The following PARD3B variants were observed in gnomAD, a reference collection of about 807,000 sequenced individuals.
The protein encoded by PARD3B is partitioning defective 3 homolog B.
In PARD3B, 103 loss-of-function variants were observed where a neutral mutation model predicts 130.2. The observed-to-expected ratio is 0.79, with a 90% CI of 0.67 to 0.93. The LOEUF (loss-of-function observed/expected upper bound fraction) is 0.93. PARD3B is among the 40% of genes least tolerant of loss of function. The pLI, the probability that PARD3B is intolerant of heterozygous loss-of-function variation, is 0.00. For synonymous variants in PARD3B, 583 were observed against 553.2 expected (o/e 1.05, Z -0.76); for missense variants, 1,609 against 1,499.2 (o/e 1.07, Z -1.21).
At chr2:204,927,960 A>T (rs568899092) in intron 2 of PARD3B, among the ~76,000 whole-genome samples, 2 of 152,196 alleles carry the variant, frequency 1.3e-5, no homozygotes, top group South Asian at 4.1e-4. Context: ...CTACAAAAAG[A>T]TGCTGTTTAA....
chr2:205,114,813 CA>C (rs1703913561), intron 6 of PARD3B, among the ~76,000 whole-genome samples: 1 of 151,138 alleles, frequency 6.6e-6, no homozygotes, highest in South Asian at 2.1e-4. Flanking sequence ...GAATGTTCCC[CA>C]AAAGAAATGA....
intron 4 of PARD3B, among the ~76,000 whole-genome samples, chr2:205,071,903 A>G (rs1181119405): frequency 1.3e-5 from 2 of 152,106 alleles, no homozygotes; most frequent in Admixed American, 6.5e-5. Flanking sequence ...AATGCAAAAC[A>G]CTGGTCATTA....
chr2:204,627,225 G>T (rs1023330029), intron 1 of PARD3B, among the ~76,000 whole-genome samples: 1 of 152,068 alleles, frequency 6.6e-6, no homozygotes, highest in African/African-American at 2.4e-5. Flanking sequence ...AAATTACCTA[G>T]TCTTGGGTAC....
chr2:205,304,411 G>A lies in PARD3B; in HGVS notation c.2630+2710G>A, dbSNP rs191532547. Among the ~76,000 whole-genome samples the A allele has an allele frequency of 1.7e-4, 25 of 151,358 alleles. No individual in the cohort carries two copies. In the East Asian group the frequency reaches 3.5e-3, roughly 21 times the overall value. On this transcript the variant is annotated intron_variant, in intron 18 of 22. Transcript: ENST00000406610. ...AGCACTTTGGGAGGCCAAGACGGGC[G>A]GATCACCTGAGGTCAGGAGTTCGAG...
intron 2 of PARD3B, among the ~76,000 whole-genome samples, chr2:204,916,953 G>C (rs982057199): frequency 4.1e-4 from 62 of 152,212 alleles, no homozygotes; most frequent in South Asian, 2.1e-4. Flanking sequence ...TGAATGAAAT[G>C]GATAAAAATC....
intron 1 of PARD3B, among the ~76,000 whole-genome samples, chr2:204,633,593 C>T (rs2034765948): frequency 6.6e-6 from 1 of 152,132 alleles, no homozygotes; most frequent in Admixed American, 6.5e-5. Context: ...GCAGGTGGAT[C>T]ACCTGAGGTG....
intron 1 of PARD3B, among the ~76,000 whole-genome samples, chr2:204,661,543 G>C (rs887958865): frequency 1.3e-5 from 2 of 152,134 alleles, no homozygotes; most frequent in African/African-American, 2.4e-5. Context: ...ACAGTACTCT[G>C]CTATAGGGGT....
intron 1 of PARD3B, among the ~76,000 whole-genome samples, chr2:204,625,467 G>C (rs1331810890): frequency 1.3e-5 from 2 of 152,156 alleles, no homozygotes; most frequent in African/African-American, 2.4e-5. Flanking sequence ...ACTGATCCCT[G>C]CCAGGATAAG....
At chr2:205,612,649 T>A (rs2105797386) in intron 22 of PARD3B, among the ~76,000 whole-genome samples, 1 of 152,296 alleles carries the variant, frequency 6.6e-6, no homozygotes, top group South Asian at 2.1e-4. Flanking sequence ...ACTCATTGTT[T>A]TTCTTCTCTC....
At position 204,610,878 on chromosome 2, in the gene PARD3B, T is replaced by C. The variant is rs1173092272; in HGVS notation, c.120+64759T>C. 6.6e-6 allele frequency among the ~76,000 whole-genome samples: 1 copy of C among 152,200 alleles called. No homozygotes were observed. Among genetic ancestry groups the C allele is most frequent in the African/African-American group, 2.4e-5 (1 of 41,432 alleles). The stretch of plus-strand genomic sequence containing the variant: ...TAGTATATAAAATTCAGTTGATATA[T>C]GCTTGATACAATTTACTCAGATTTT... On this transcript the variant is annotated intron_variant, in intron 1 of 22. Coordinates refer to ENST00000406610, the MANE Select transcript of PARD3B (RefSeq NM_001302769.2). This position sits in a 1 kb window ranked among gnomAD's most constrained non-coding sequence, Gnocchi z 4.1.
chr2:205,516,093 T>C (rs186748835), intron 21 of PARD3B, among the ~76,000 whole-genome samples: 54 of 152,274 alleles, frequency 3.5e-4, no homozygotes, highest in Admixed American at 2.0e-3. Context: ...TTATGAAAGA[T>C]CAGGTGGTCA....
chr2:205,238,705 G>A (rs1448110858), intron 15 of PARD3B, among the ~76,000 whole-genome samples: 2 of 150,006 alleles, frequency 1.3e-5, no homozygotes, highest in Non-Finnish European at 3.0e-5. Context: ...GGTGGCAGGC[G>A]CTTGTAATCC....
chr2:205,240,625 G>T (rs1207268459), intron 15 of PARD3B, among the ~76,000 whole-genome samples: 1 of 152,134 alleles, frequency 6.6e-6, no homozygotes, highest in Admixed American at 6.5e-5. Flanking sequence ...ATTTTTATCT[G>T]AAGAGACTTG....
intron 1 of PARD3B, among the ~76,000 whole-genome samples, chr2:204,554,761 C>T (rs1387283524): frequency 1.3e-5 from 2 of 152,002 alleles, no homozygotes; most frequent in Non-Finnish European, 2.9e-5. Context: ...TGGTGCACAT[C>T]TCTCCTAAAT....
chr2:205,018,967 T>G (rs1696380427), intron 3 of PARD3B, among the ~76,000 whole-genome samples: 1 of 152,108 alleles, frequency 6.6e-6, no homozygotes, highest in African/African-American at 2.4e-5. Flanking sequence ...TCTTTTTGAC[T>G]TAACAGCTTA....
chr2:205,231,058 A>T (rs909301053), intron 15 of PARD3B, among the ~76,000 whole-genome samples: 1 of 152,122 alleles, frequency 6.6e-6, no homozygotes, highest in Non-Finnish European at 1.5e-5. Flanking sequence ...TGTCTTTCCT[A>T]TCCCCTTCAG....
chr2:204,895,240 A>G (rs1338795081), intron 2 of PARD3B, among the ~76,000 whole-genome samples: 2 of 152,148 alleles, frequency 1.3e-5, no homozygotes, highest in East Asian at 1.9e-4. Context: ...TACAAGCTGT[A>G]TATGGTTTTT....
intron 3 of PARD3B, among the ~76,000 whole-genome samples, chr2:205,019,091 G>A (rs1018511277): frequency 6.6e-6 from 1 of 151,986 alleles, no homozygotes; most frequent in East Asian, 1.9e-4. Flanking sequence ...ACATTTGAAC[G>A]ATGCCAGAAA....
intron 18 of PARD3B, among the ~76,000 whole-genome samples, chr2:205,348,325 C>T (rs763399203): frequency 2.6e-5 from 4 of 152,218 alleles, no homozygotes; most frequent in Non-Finnish European, 5.9e-5. Flanking sequence ...ATGATCTTGA[C>T]ATTCTCCTCT....
Sources: allele counts gnomAD v4.1 joint callset (sites outside exome capture counted in the v4.1 genomes callset), GRCh38; gene constraint gnomAD v4.1.1; non-coding constraint Gnocchi (gnomAD v3.1); transcripts MANE v1.5; gene names NCBI Gene and HGNC (gene_info 2026-07-23, HGNC 2026-07-21).